NUMA1: variants seen among roughly 807,000 people sequenced by gnomAD.
The protein encoded by NUMA1 is nuclear mitotic apparatus protein 1.
In NUMA1, 62 loss-of-function variants were observed where a neutral mutation model predicts 237.1. That is an observed-to-expected ratio of 0.26 (90% CI 0.21 to 0.32). The LOEUF is 0.32. NUMA1 is among the 10% of genes least tolerant of loss of function. The probability of loss-of-function intolerance (pLI) is 1.00; values close to 1 mark genes in which losing one functional copy is unlikely to be tolerated. For missense variants in NUMA1, 2,533 were observed against 2,666.5 expected, an observed-to-expected ratio of 0.95 and a Z score of 1.10; for synonymous variants, 1,028 against 1,066.1, an observed-to-expected ratio of 0.96 and a Z score of 0.70.
chr11:72,044,871 T>C (rs953528428), intron 2 of NUMA1, among the ~76,000 whole-genome samples: 10 of 152,146 alleles, frequency 6.6e-5, no homozygotes, highest in Non-Finnish European at 1.0e-4. Flanking sequence ...TTTGACCATG[T>C]TGGCCAGGCT....
chr11:72,008,611 T>C (rs1232865894), intron 20 of NUMA1, 77 bp downstream of exon 20: 3 of 1,460,752 alleles, frequency 2.1e-6, no homozygotes, highest in Non-Finnish European at 1.9e-6. Context: ...TCACATCTTA[T>C]TTATCTCACT....
chr11:72,043,850 G>C (rs893870067), intron 2 of NUMA1, among the ~76,000 whole-genome samples: 3 of 152,084 alleles, frequency 2.0e-5, no homozygotes, highest in African/African-American at 7.2e-5. Context: ...GCTAGGGTGG[G>C]AGAATTCCTT....
intron 14 of NUMA1, 59 bp downstream of exon 14, chr11:72,016,349 T>C (rs1482272695): frequency 1.3e-6 from 2 of 1,599,100 alleles, no homozygotes; most frequent in Non-Finnish European, 1.7e-6. Flanking sequence ...GGAACCCAAA[T>C]GTACTGAATG....
intron 24 of NUMA1, 142 bp downstream of exon 24, chr11:72,004,498 C>G (rs1955536876): frequency 2.5e-6 from 3 of 1,219,978 alleles, no homozygotes; most frequent in African/African-American, 1.5e-5. Context: ...CCAACAGTTC[C>G]CATCCATGGG....
At chr11:72,048,623 T>C (rs1210254000) in intron 2 of NUMA1, among the ~76,000 whole-genome samples, 2 of 152,182 alleles carry the variant, frequency 1.3e-5, no homozygotes, top group East Asian at 3.9e-4. Context: ...TCCACCTGCC[T>C]GGGCCTCCCA....
At position 72,014,069 on chromosome 11, in the gene NUMA1, C is replaced by T. The variant is rs371247021; in HGVS notation, c.3434G>A (p.Ser1145Asn). The part of the protein sequence containing the change: ...QCQKQQEQAD[S>N]LERSLEAERA... Reference sequence around the variant, plus strand: ...CTCAGCCTCGAGGCTGCGTTCCAGGCTGTCAGCCTGCTCCTGCTGCTTCTG... The same window carrying T: ...CTCAGCCTCGAGGCTGCGTTCCAGGTTGTCAGCCTGCTCCTGCTGCTTCTG... Residue 1145 changes from serine (S) to asparagine (N), a missense_variant, in exon 15 of 27, where the codon AGC becomes AAC. Physicochemically the swap from Ser to Asn is conservative, Grantham distance 46. This residue lies in a region of NUMA1 where 1,414 missense variants were observed against 1,508.1 expected (regional missense o/e 0.94). Coordinates refer to ENST00000393695, the MANE Select transcript of NUMA1 (RefSeq NM_006185.4). The surrounding 1 kb of genome is among the most constrained non-coding windows in gnomAD (Gnocchi z 4.6). The T allele has an allele frequency of 2.5e-6, 4 of 1,610,772 alleles. No individual in the cohort carries two copies. The African/African-American group carries it at 5.3e-5, about 21-fold the overall frequency.
At chr11:72,004,608 C>G in intron 24 of NUMA1, 32 bp downstream of exon 24, 1 of 1,603,502 alleles carries the variant, frequency 6.2e-7, no homozygotes, top group Non-Finnish European at 8.5e-7. Context: ...GAGCACAGTG[C>G]TGGAGTAACA....
intron 2 of NUMA1, among the ~76,000 whole-genome samples, chr11:72,039,265 T>C (rs1941397008): frequency 1.3e-5 from 2 of 152,218 alleles, no homozygotes; most frequent in Admixed American, 6.5e-5. Context: ...GTTGCTGAGC[T>C]CTGAAGTCTG....
chr11:72,004,528 GAA>G (rs1171967078), intron 24 of NUMA1, 110 bp downstream of exon 24: 4 of 1,291,838 alleles, frequency 3.1e-6, no homozygotes, highest in African/African-American at 1.5e-5. Flanking sequence ...TGGAGAGAGG[GAA>G]AGAGAGGGGG....
intron 1 of NUMA1, among the ~76,000 whole-genome samples, chr11:72,073,373 C>G (rs1305254368): frequency 6.6e-6 from 1 of 151,506 alleles, no homozygotes; most frequent in African/African-American, 2.4e-5. Flanking sequence ...AGCACACTCT[C>G]AGTAAACCAT....
chr11:72,006,727 G>A (rs1049507265), intron 21 of NUMA1, among the ~76,000 whole-genome samples: 4 of 152,106 alleles, frequency 2.6e-5, no homozygotes, highest in Non-Finnish European at 5.9e-5. Context: ...TGGTAGCAGG[G>A]GGCACCCTAA....
intron 16 of NUMA1, among the ~76,000 whole-genome samples, chr11:72,011,247 C>T (rs1268852402): frequency 1.3e-5 from 2 of 152,210 alleles, no homozygotes; most frequent in Non-Finnish European, 2.9e-5. Flanking sequence ...AGTAGACATA[C>T]TCAATGAATT....
intron 2 of NUMA1, chr11:72,047,829 G>C (rs987175548): frequency 3.3e-5 from 5 of 152,038 alleles, no homozygotes; most frequent in Non-Finnish European, 7.4e-5. Flanking sequence ...GCATTGTATT[G>C]GGCAGTTTTG....
chr11:72,019,074 T>C, intron 9 of NUMA1, 94 bp from the exon 10 acceptor site: 1 of 1,397,574 alleles, frequency 7.2e-7, no homozygotes, highest in Admixed American at 2.0e-5. Context: ...TCTATGGAAG[T>C]GCGCACTAGC....
chr11:72,012,906 G>C lies in NUMA1; in HGVS notation c.4597C>G (p.Leu1533Val), dbSNP rs1467883993. The change falls in exon 15 of 27, where the codon CTC (leucine) becomes GTC (valine). Residue 1533 changes from leucine to valine, a missense_variant. Coordinates refer to ENST00000393695, the MANE Select transcript of NUMA1 (RefSeq NM_006185.4). ...RQRFQEERQK[L>V]TAQVEQLEVF... Reference sequence around the variant, plus strand: ...GCTGAGTACCTTACCTGGGCAGTGAGTTTCTGCCTCTCTTCCTGGAACCGC... The same window carrying C: ...GCTGAGTACCTTACCTGGGCAGTGACTTTCTGCCTCTCTTCCTGGAACCGC... 2.5e-6 allele frequency: 4 copies of C among 1,613,940 alleles called. No individual in the cohort carries two copies. Among genetic ancestry groups the C allele is most frequent in the Non-Finnish European group, 2.5e-6 (3 of 1,179,890 alleles).
At position 72,007,379 on chromosome 11, in the gene NUMA1, G is replaced by A; in HGVS notation, c.5273C>T (p.Pro1758Leu). ...GTSVPGEPAS[P>L]ISQRLPPKVE... ...CTTGGGGGGCAGGCGCTGGGAGATA[G>A]GTGAGGCTGGTTCTCCAGGGACGCT... Residue 1758 changes from proline (P) to leucine (L), a missense_variant, in exon 21 of 27, where the codon CCT (proline) becomes CTT (leucine). Physicochemically the swap from Pro to Leu is moderately conservative, Grantham distance 98. Around this residue, in one of 3 missense-constraint regions of NUMA1, gnomAD observed 795 missense variants for 750.8 expected, o/e 1.06. Coordinates refer to ENST00000393695, the MANE Select transcript of NUMA1 (RefSeq NM_006185.4). 6.2e-7 allele frequency: 1 copy of A among 1,613,838 alleles called. No individual in the cohort carries two copies. Among genetic ancestry groups the A allele is most frequent in the Non-Finnish European group, 8.5e-7 (1 of 1,179,938 alleles).
chr11:72,029,205 A>G lies in NUMA1; in HGVS notation c.128T>C (p.Ile43Thr). ...CSIFIKIIDR[I>T]HGTEEGQQIL... ...AGAAAGGGGTATGGTGCGTACTCAC[A>G]TTCTGTCAATGATCTTGATGAAGAT... Residue 43 changes from isoleucine (I) to threonine (T), a missense_variant and splice_region_variant, in exon 4 of 27, where the codon ATC becomes ACC. By Grantham distance (89) the Ile-to-Thr change is moderately conservative. Coordinates refer to ENST00000393695, the MANE Select transcript of NUMA1 (RefSeq NM_006185.4). 1 of 1,610,172 alleles carries G rather than the reference A, an allele frequency of 6.2e-7. No individual in the cohort carries two copies. Among genetic ancestry groups the G allele is most frequent in the Non-Finnish European group, 8.5e-7 (1 of 1,178,392 alleles).
chr11:72,050,475 G>A (rs533622682), intron 2 of NUMA1, among the ~76,000 whole-genome samples: 6 of 152,334 alleles, frequency 3.9e-5, no homozygotes, highest in African/African-American at 9.6e-5. Flanking sequence ...TGGGAATGGT[G>A]TCTAACATGG....
intron 13 of NUMA1, chr11:72,016,883 T>C: frequency 4.8e-6 from 1 of 209,076 alleles, no homozygotes; most frequent in Admixed American, 5.5e-5. Flanking sequence ...GCAATACCAC[T>C]GGCAGCAGCT....
Sources: gnomAD v4.1 joint callset for allele counts (sites outside exome capture counted in the v4.1 genomes callset) on GRCh38, gnomAD v4.1.1 for gene constraint, gnomAD v4.1.1 regional missense constraint, Gnocchi (gnomAD v3.1) non-coding constraint, MANE v1.5 for transcripts, NCBI Gene and HGNC (gene_info 2026-07-23, HGNC 2026-07-21) for gene names.